Variants in GRID2 observed in about 807,000 individuals in gnomAD.
GRID2 encodes glutamate receptor ionotropic, delta-2.
Under a neutral mutation model 114.8 loss-of-function variants are expected in GRID2, and 33 were observed. The observed-to-expected ratio is 0.29, with a 90% CI of 0.22 to 0.38. The LOEUF (loss-of-function observed/expected upper bound fraction) is 0.38. Among genes scored for constraint, GRID2 ranks in the 10% least tolerant of loss-of-function variants. The pLI is 1.00. For synonymous variants in GRID2, 505 were observed against 449.9 expected (o/e 1.12, Z -1.55); for missense variants, 1,184 against 1,257.7 (o/e 0.94, Z 0.89).
intron 13 of GRID2, among the ~76,000 whole-genome samples, chr4:93,569,023 G>A (rs534278250): frequency 1.3e-5 from 2 of 152,248 alleles, no homozygotes; most frequent in African/African-American, 2.4e-5. Context: ...GCCAAAATCC[G>A]ATATAAAGTT....
chr4:92,758,005 C>T (rs1281888952), intron 2 of GRID2, among the ~76,000 whole-genome samples: 1 of 151,886 alleles, frequency 6.6e-6, no homozygotes, highest in African/African-American at 2.4e-5. Flanking sequence ...ATAGAATTCA[C>T]AAGTAGTAAC....
At chr4:93,114,866 A>G (rs1036621889) in intron 4 of GRID2, among the ~76,000 whole-genome samples, 3 of 152,204 alleles carry the variant, frequency 2.0e-5, no homozygotes, top group African/African-American at 7.2e-5. Context: ...CTAGTGGAAG[A>G]GGCAGCATAT....
At chr4:93,010,574 T>C (rs1044452481) in intron 2 of GRID2, among the ~76,000 whole-genome samples, 5 of 152,158 alleles carry the variant, frequency 3.3e-5, no homozygotes, top group South Asian at 2.1e-4. Context: ...TTAGCACATA[T>C]AGACTTTCCT....
chr4:93,805,392 T>C lies in GRID2; in HGVS notation c.222-1323T>C, dbSNP rs571822573. On this transcript the variant is annotated intron_variant, in intron 1 of 1. Transcript: ENST00000637838. ...ATGAGAAAACTGTTTTTGAAATTAGTGTTCACAGACCTTACTATGGGAATT... is the reference window on the plus strand; with the variant it reads ...ATGAGAAAACTGTTTTTGAAATTAGCGTTCACAGACCTTACTATGGGAATT... 1.1e-4 allele frequency among the ~76,000 whole-genome samples: 17 copies of C among 152,374 alleles called. No homozygotes were observed. The South Asian group carries it at 3.5e-3, about 32-fold the overall frequency.
At chr4:93,207,506 A>G (rs1247458615) in intron 5 of GRID2, 49 bp downstream of exon 5, 1 of 1,160,130 alleles carries the variant, frequency 8.6e-7, no homozygotes, top group Non-Finnish European at 1.3e-6. Flanking sequence ...TTTTTCACAT[A>G]TATAATTGTA....
At chr4:92,322,857 C>T (rs562010831) in intron 1 of GRID2, among the ~76,000 whole-genome samples, 1 of 152,062 alleles carries the variant, frequency 6.6e-6, no homozygotes, top group East Asian at 1.9e-4. Context: ...CCTTCACAGG[C>T]AGCAGAAAAA....
Position 92,475,192 on chromosome 4 carries a change from TA to T in GRID2, c.89-114929del, listed in dbSNP as rs147234342. ...TTTTGACTTAATCCCATTTGCCTTT[TA>T]AAAAAAAAATTGTTGCCTGTGTTTT... On this transcript the variant is annotated intron_variant, in intron 1 of 15. Coordinates refer to ENST00000282020, the MANE Select transcript of GRID2 (RefSeq NM_001510.4). Among the ~76,000 whole-genome samples the T allele has an allele frequency of 1.2e-3, 171 of 148,628 alleles. 2 individuals carry two copies. Among genetic ancestry groups the T allele is most frequent in the African/African-American group, 3.4e-3 (136 of 40,594 alleles).
chr4:92,944,326 C>T (rs1445466739), intron 2 of GRID2, among the ~76,000 whole-genome samples: 1 of 152,206 alleles, frequency 6.6e-6, no homozygotes, highest in South Asian at 2.1e-4. Context: ...TCTCAGACTG[C>T]TGTGCTAGCA....
At chr4:92,571,921 A>T (rs1727642907) in intron 1 of GRID2, among the ~76,000 whole-genome samples, 2 of 152,144 alleles carry the variant, frequency 1.3e-5, no homozygotes, top group South Asian at 4.1e-4. Context: ...AATGCCTACA[A>T]GAGAAAGTAG....
Position 93,772,240 on chromosome 4 carries a change from C to T in GRID2, c.2766C>T (p.Phe922=). The T allele has an allele frequency of 6.2e-7, 1 of 1,614,064 alleles. No individual in the cohort carries two copies. ...AAGCACTGGAGCAAATCAGTGATTT[C>T]AGGAACACTCATATTACCACAACAA... The part of the protein sequence containing the change: ...TRQALEQISD[F]RNTHITTTTF... Residue 922 remains phenylalanine, a synonymous_variant, in exon 16 of 16, where the codon TTC becomes TTT. Transcript: ENST00000282020.
intron 2 of GRID2, among the ~76,000 whole-genome samples, chr4:93,000,475 T>C (rs922844260): frequency 6.6e-6 from 1 of 151,764 alleles, no homozygotes; most frequent in East Asian, 1.9e-4. Flanking sequence ...AAGAAAAATC[T>C]ATAGCTTATT....
chr4:93,600,619 T>C lies in GRID2; in HGVS notation c.2194-25650T>C, dbSNP rs115448515. 7.6e-3 allele frequency among the ~76,000 whole-genome samples: 1,152 copies of C among 152,316 alleles called. 11 individuals carry two copies. Among genetic ancestry groups the C allele is most frequent in the South Asian group, 0.017 (80 of 4,822 alleles). ...CTAGAACTTACATATATTGATGATG[T>C]AAAATGCGTAAAAACTACTTTGGAA... On this transcript the variant is annotated intron_variant, in intron 13 of 15. Coordinates refer to ENST00000282020, the MANE Select transcript of GRID2 (RefSeq NM_001510.4).
chr4:93,665,630 A>C (rs577068183), intron 14 of GRID2, among the ~76,000 whole-genome samples: 27 of 152,274 alleles, frequency 1.8e-4, no homozygotes, highest in Non-Finnish European at 3.5e-4. Context: ...GTGCTTTAAA[A>C]GCCAATTTTG....
chr4:92,927,147 A>G (rs373838397), intron 2 of GRID2, among the ~76,000 whole-genome samples: 94 of 152,070 alleles, frequency 6.2e-4, no homozygotes, highest in African/African-American at 2.0e-3. Context: ...CAAGTTGATT[A>G]TAGCTCATAT....
chr4:93,153,444 A>G (rs763881580), intron 4 of GRID2, among the ~76,000 whole-genome samples: 5 of 152,074 alleles, frequency 3.3e-5, no homozygotes, highest in Non-Finnish European at 7.4e-5. Flanking sequence ...TTGCAATCAG[A>G]GAAGTGGCAG....
At chr4:93,592,963 G>A (rs1179015242) in intron 13 of GRID2, among the ~76,000 whole-genome samples, 2 of 151,124 alleles carry the variant, frequency 1.3e-5, no homozygotes, top group Non-Finnish European at 3.0e-5. Context: ...CTGCACGTGA[G>A]ATGGGTTTCC....
intron 2 of GRID2, among the ~76,000 whole-genome samples, chr4:92,927,144 A>T (rs910182598): frequency 1.8e-4 from 28 of 151,912 alleles, no homozygotes; most frequent in Non-Finnish European, 2.5e-4. Context: ...GTCCAAGTTG[A>T]TTATAGCTCA....
intron 2 of GRID2, among the ~76,000 whole-genome samples, chr4:92,887,687 T>C (rs1429491800): frequency 6.6e-6 from 1 of 152,236 alleles, no homozygotes; most frequent in African/African-American, 2.4e-5. Context: ...AAAGATCTTT[T>C]CTTAATCAGA....
chr4:93,018,206 C>A (rs1722950007), intron 2 of GRID2, among the ~76,000 whole-genome samples: 2 of 130,638 alleles, frequency 1.5e-5, no homozygotes, highest in African/African-American at 3.3e-5. Flanking sequence ...ATTTTAAGTT[C>A]CCAGTGTATT....
Sources: allele counts gnomAD v4.1 joint callset (sites outside exome capture counted in the v4.1 genomes callset), GRCh38; gene constraint gnomAD v4.1.1; transcripts MANE v1.5; gene names NCBI Gene and HGNC (gene_info 2026-07-23, HGNC 2026-07-21).